Variants in FAT1 observed in about 807,000 individuals in gnomAD.
FAT1 encodes the protein FAT atypical cadherin 1, also known as protocadherin Fat 1.
Under a neutral mutation model 329.8 loss-of-function variants are expected in FAT1, and 171 were observed. The observed-to-expected ratio is 0.52, with a 90% CI of 0.46 to 0.59. The LOEUF is 0.59. Among genes scored for constraint, FAT1 ranks in the 20% least tolerant of loss-of-function variants. FAT1 has a pLI of 0.00. For synonymous variants in FAT1, 2,233 were observed against 2,228.6 expected (o/e 1.00, Z -0.06); for missense variants, 5,672 against 5,774.4 (o/e 0.98, Z 0.57).
chr4:186,651,039 TTTA>T (rs72427431), intron 3 of FAT1, among the ~76,000 whole-genome samples: 5 of 30,454 alleles, frequency 1.6e-4, no homozygotes, highest in East Asian at 0.016. Flanking sequence ...AAATAATTTA[TTTA>T]CTATTATTAA....
At chr4:186,654,173 T>C (rs1741795842) in intron 3 of FAT1, among the ~76,000 whole-genome samples, 1 of 152,152 alleles carries the variant, frequency 6.6e-6, no homozygotes, top group Non-Finnish European at 1.5e-5. Context: ...TGTGAAGTCT[T>C]AGATTATTTG....
intron 2 of FAT1, among the ~76,000 whole-genome samples, chr4:186,671,523 C>A (rs952164692): frequency 2.0e-5 from 3 of 151,834 alleles, no homozygotes; most frequent in Non-Finnish European, 4.4e-5. Context: ...CATGTTGAAA[C>A]CCCGTCTCTA....
rs764788007 is a variant in FAT1, at chr4:186,709,704, T to C, written c.124A>G (p.Thr42Ala). The C allele has an allele frequency of 6.2e-7, 1 of 1,613,988 alleles. No homozygotes were observed. The highest frequency in any genetic ancestry group is 2.2e-5 in the East Asian group (1 of 44,882). The change falls in exon 2 of 27, where the codon ACC becomes GCC. Residue 42 changes from threonine to alanine, a missense_variant. Transcript: ENST00000441802. ...TTAGCTGCAGAGTTCTCCTGCACGG[T>C]GACGTTGTACTCGAGGTGTGTAAAC... Reference protein sequence around the residue: ...LQFTHLEYNVTVQENSAAKTY... With the variant: ...LQFTHLEYNVAVQENSAAKTY...
intron 3 of FAT1, among the ~76,000 whole-genome samples, chr4:186,648,072 G>A (rs1051428364): frequency 4.6e-5 from 7 of 152,116 alleles, no homozygotes; most frequent in Admixed American, 2.6e-4. Context: ...ATGTGTGTAC[G>A]GATGTAATGT....
In FAT1 at chr4:186,717,776, G is replaced by A. The variant is rs189720105; in HGVS notation, c.-19+5888C>T. ...CGACAAGACAGGACAGGTAGGCAGCGGCTGTGTGTCTATTTCTGGCAGGGT... is the reference window on the plus strand; with the variant it reads ...CGACAAGACAGGACAGGTAGGCAGCAGCTGTGTGTCTATTTCTGGCAGGGT... On this transcript the variant is annotated intron_variant, in intron 1 of 26. Coordinates refer to ENST00000441802, the MANE Select transcript of FAT1 (RefSeq NM_005245.4). 5.3e-5 allele frequency among the ~76,000 whole-genome samples: 8 copies of A among 152,260 alleles called. No homozygotes were observed. In the East Asian group the frequency reaches 1.2e-3, roughly 22 times the overall value.
In FAT1 at chr4:186,608,370, G is replaced by A. The variant is rs181393020; in HGVS notation, c.10206+813C>T. 3.9e-5 allele frequency among the ~76,000 whole-genome samples: 6 copies of A among 152,092 alleles called. No individual in the cohort carries two copies. The East Asian group carries it at 5.8e-4, about 15-fold the overall frequency. On this transcript the variant is annotated intron_variant, in intron 16 of 26. Transcript: ENST00000441802. ...GTAAATGGTTGTTATACTGCGGGTC[G>A]GGGTTGTATTTTTTTTGTTGTTGTA... is the stretch of plus-strand genomic sequence containing the variant.
In FAT1 at chr4:186,618,903, C is replaced by A; in HGVS notation, c.7683G>T (p.Glu2561Asp). The A allele has an allele frequency of 6.2e-7, 1 of 1,613,946 alleles. No individual in the cohort carries two copies. ...LEKLDRETPA[E>D]KVISVRLMAK... ...CCATTAAACGGACTGAGATCACTTT[C>A]TCCGCCGGGGTTTCTCGATCAAGTT... Residue 2561 changes from glutamate to aspartate, a missense_variant, in exon 10 of 27, where the codon GAG (glutamate) becomes GAT (aspartate). This residue lies in a region of FAT1 where 3,966 missense variants were observed against 3,915.2 expected (regional missense o/e 1.01). Transcript: ENST00000441802.
At chr4:186,617,671 T>A (rs1330997568) in intron 10 of FAT1, 37 bp downstream of exon 10, 14 of 1,485,030 alleles carry the variant, frequency 9.4e-6, no homozygotes, top group Non-Finnish European at 1.3e-5. Context: ...AAAATCATTT[T>A]AAATTAATTA....
At chr4:186,699,429 A>C (rs963871505) in intron 2 of FAT1, among the ~76,000 whole-genome samples, 3 of 152,236 alleles carry the variant, frequency 2.0e-5, no homozygotes, top group African/African-American at 7.2e-5. Context: ...CAGATATTCG[A>C]GGAGATATGG....
intron 11 of FAT1, among the ~76,000 whole-genome samples, chr4:186,616,783 G>C (rs1479436190): frequency 6.6e-6 from 1 of 152,174 alleles, no homozygotes; most frequent in Non-Finnish European, 1.5e-5. Context: ...CTGGAGTCCT[G>C]TCCGTAATTT....
At chr4:186,676,777 C>T (rs1160676013) in intron 2 of FAT1, among the ~76,000 whole-genome samples, 1 of 152,182 alleles carries the variant, frequency 6.6e-6, no homozygotes, top group Non-Finnish European at 1.5e-5. Flanking sequence ...TCCTAGAATG[C>T]ACACAGCTGG....
chr4:186,655,375 T>C (rs976117453), intron 3 of FAT1, among the ~76,000 whole-genome samples: 1 of 151,644 alleles, frequency 6.6e-6, no homozygotes, highest in African/African-American at 2.4e-5. Flanking sequence ...CAGTGAAAGG[T>C]ACATGGATAT....
intron 16 of FAT1, among the ~76,000 whole-genome samples, chr4:186,607,680 C>T (rs1739217360): frequency 6.7e-6 from 1 of 148,648 alleles, no homozygotes; most frequent in Admixed American, 6.7e-5. Flanking sequence ...GGTGGGTGGA[C>T]AGGTCGGTGG....
In FAT1 at chr4:186,603,323, G is replaced by T. The variant is rs989804305; in HGVS notation, c.11203C>A (p.Gln3735Lys). 6.2e-7 allele frequency: 1 copy of T among 1,613,844 alleles called. No homozygotes were observed. Among genetic ancestry groups the T allele is most frequent in the Non-Finnish European group, 8.5e-7 (1 of 1,179,900 alleles). Residue 3735 changes from glutamine (Q) to lysine (K), a missense_variant, in exon 19 of 27, where the codon CAG becomes AAG. Around this residue, in one of 2 missense-constraint regions of FAT1, gnomAD observed 1,706 missense variants for 1,859.1 expected, o/e 0.92. Transcript: ENST00000441802. The part of the protein sequence containing the change: ...IIGVRILNVF[Q>K]KLCAGLDCPW... ...CAGTCCAGTCCCGCGCAGAGTTTCT[G>T]GAATACATTCAGTATCCTAACTCCA... is the stretch of plus-strand genomic sequence containing the variant.
At chr4:186,602,858 A>G (rs1188890560) in intron 20 of FAT1, 45 bp downstream of exon 20, 2 of 1,569,218 alleles carry the variant, frequency 1.3e-6, no homozygotes, top group Admixed American at 3.8e-5. Flanking sequence ...AAACAATGAA[A>G]CCGATTTTTA....
chr4:186,699,338 T>A (rs970840117), intron 2 of FAT1, among the ~76,000 whole-genome samples: 7 of 151,896 alleles, frequency 4.6e-5, no homozygotes, highest in Non-Finnish European at 1.0e-4. Flanking sequence ...CAACATGAAA[T>A]GAGTAAGACA....
chr4:186,604,767 C>T (rs889129519), intron 17 of FAT1, among the ~76,000 whole-genome samples, 193 bp from the exon 18 acceptor site: 17 of 137,990 alleles, frequency 1.2e-4, no homozygotes, highest in African/African-American at 4.2e-4. Flanking sequence ...AGGGGTGTAG[C>T]GAAAAGGGAA....
rs917266935 is a variant in FAT1 at position 186,665,523 on chromosome 4, G to C, written c.3266-1910C>G. 1.0e-3 allele frequency among the ~76,000 whole-genome samples: 153 copies of C among 152,248 alleles called. 1 individual carries two copies. The highest frequency in any genetic ancestry group is 2.8e-4 in the Non-Finnish European group (19 of 68,012). The stretch of plus-strand genomic sequence containing the variant: ...GAGAAGTGTCTGTTCATATCCTTCA[G>C]CCACTTTTTGATGGGGTTGTTTTTT... On this transcript the variant is annotated intron_variant, in intron 2 of 26. Coordinates refer to ENST00000441802, the MANE Select transcript of FAT1 (RefSeq NM_005245.4).
intron 4 of FAT1, 80 bp from the exon 5 acceptor site, chr4:186,636,994 G>A (rs935406516): frequency 2.8e-5 from 35 of 1,272,496 alleles, no homozygotes; most frequent in Middle Eastern, 2.1e-4. Context: ...ATGCTACTCC[G>A]CATGTGTGTA....
Sources: gnomAD v4.1 joint callset for allele counts (sites outside exome capture counted in the v4.1 genomes callset) on GRCh38, gnomAD v4.1.1 for gene constraint, gnomAD v4.1.1 regional missense constraint, MANE v1.5 for transcripts, NCBI Gene and HGNC (gene_info 2026-07-23, HGNC 2026-07-21) for gene names.